TMEM131L: variants seen among roughly 807,000 people sequenced by gnomAD.
The protein encoded by TMEM131L is transmembrane protein 131-like.
Under a neutral mutation model 192.2 loss-of-function variants are expected in TMEM131L, and 54 were observed. That is an observed-to-expected ratio of 0.28 (90% CI 0.23 to 0.35). The LOEUF is 0.35. Ranked by LOEUF, TMEM131L falls within the 10% of genes least tolerant of loss-of-function variation. The probability of loss-of-function intolerance (pLI) is 1.00; values close to 1 mark genes in which losing one functional copy is unlikely to be tolerated. For missense variants in TMEM131L, 1,888 were observed against 1,972.9 expected (o/e 0.96, Z 0.82); for synonymous variants, 701 against 704.9 (o/e 0.99, Z 0.09).
intron 3 of TMEM131L, among the ~76,000 whole-genome samples, chr4:153,547,934 C>T (rs1306953345): frequency 2.6e-5 from 4 of 152,226 alleles, no homozygotes; most frequent in Non-Finnish European, 5.9e-5. Context: ...GTGCACAAGA[C>T]AGGAAGAAGA....
intron 14 of TMEM131L, among the ~76,000 whole-genome samples, chr4:153,587,063 T>C (rs1002689109): frequency 6.6e-6 from 1 of 152,126 alleles, no homozygotes; most frequent in African/African-American, 2.4e-5. Context: ...CTTTCATAGT[T>C]AGAAATGCCT....
chr4:153,506,862 G>C (rs1280797281), intron 3 of TMEM131L, among the ~76,000 whole-genome samples: 1 of 140,718 alleles, frequency 7.1e-6, no homozygotes, highest in Admixed American at 7.3e-5. Context: ...AAAAAAAAAA[G>C]AAGAAAGAAA....
At chr4:153,480,501 C>T (rs1053571100) in intron 3 of TMEM131L, among the ~76,000 whole-genome samples, 1 of 119,518 alleles carries the variant, frequency 8.4e-6, no homozygotes, top group Non-Finnish European at 1.6e-5. Context: ...GCCTGGGTGA[C>T]GGCAAGACTC....
At chr4:153,605,358 T>TTATAGTCAGATTTG (rs1732152026) in intron 25 of TMEM131L, among the ~76,000 whole-genome samples, 1 of 152,214 alleles carries the variant, frequency 6.6e-6, no homozygotes, top group South Asian at 2.1e-4. Context: ...TCTGTACCTG[T>TTATAGTCAGATTTG]TATAGTCAGA....
intron 7 of TMEM131L, among the ~76,000 whole-genome samples, chr4:153,563,386 C>A (rs1012478336): frequency 6.9e-6 from 1 of 145,078 alleles, no homozygotes; most frequent in African/African-American, 2.5e-5. Flanking sequence ...GGTAACTGAT[C>A]TTTTGCTGCT....
At chr4:153,610,895 G>T (rs13135353) in intron 25 of TMEM131L, among the ~76,000 whole-genome samples, 95,896 of 151,936 alleles carry the variant, frequency 0.63, 31,155 homozygotes, top group African/African-American at 0.8. Flanking sequence ...TCATCTAGAC[G>T]TCTCAAATTT....
In TMEM131L at chr4:153,471,715, C is replaced by T. The variant is rs111231606; in HGVS notation, c.196-2130C>T. 4.3e-3 allele frequency among the ~76,000 whole-genome samples: 651 copies of T among 152,266 alleles called. 7 individuals carry two copies. The highest frequency in any genetic ancestry group is 0.014 in the African/African-American group (595 of 41,556). On this transcript the variant is annotated intron_variant, in intron 2 of 34. Transcript: ENST00000409959. Reference sequence around the variant, plus strand: ...GGTGCTGAGTAGGAGCAGCCGTTACCTGATACAGAATCATGTTGGTGCTAG... The same window carrying T: ...GGTGCTGAGTAGGAGCAGCCGTTACTTGATACAGAATCATGTTGGTGCTAG...
Position 153,625,815 on chromosome 4 carries a change from G to A in TMEM131L, c.4046-332G>A, listed in dbSNP as rs575567661. On this transcript the variant is annotated intron_variant, in intron 29 of 34. Coordinates refer to ENST00000409959, the MANE Select transcript of TMEM131L (RefSeq NM_001131007.2). Reference sequence around the variant, plus strand: ...CCCACCTACTTGGGAGGCTGAGGCAGGAGAATTGGTTGAACCCGGGAGGTG... The same window carrying A: ...CCCACCTACTTGGGAGGCTGAGGCAAGAGAATTGGTTGAACCCGGGAGGTG... Among the ~76,000 whole-genome samples, 25 of 152,152 alleles carry A rather than the reference G, an allele frequency of 1.6e-4. 1 individual carries two copies. The South Asian group carries it at 5.2e-3, about 32-fold the overall frequency.
intron 31 of TMEM131L, among the ~76,000 whole-genome samples, chr4:153,631,874 C>A (rs937814844): frequency 4.2e-4 from 64 of 152,212 alleles, no homozygotes; most frequent in African/African-American, 1.4e-3. Flanking sequence ...TTGAACTCCC[C>A]AGGCACACCT....
chr4:153,556,169 A>C (rs1482405905), intron 5 of TMEM131L, among the ~76,000 whole-genome samples: 1 of 152,018 alleles, frequency 6.6e-6, no homozygotes, highest in Non-Finnish European at 1.5e-5. Context: ...CTGTGTAGTA[A>C]TGTATGTATA....
chr4:153,603,633 T>C (rs1336273786), intron 24 of TMEM131L, 169 bp from the exon 25 acceptor site: 3 of 972,418 alleles, frequency 3.1e-6, no homozygotes, highest in Non-Finnish European at 4.5e-6. Context: ...TGCAAGGACT[T>C]AGTTGATGGG....
At chr4:153,604,521 A>G (rs1374213854) in intron 25 of TMEM131L, 91 bp downstream of exon 25, 1 of 1,265,604 alleles carries the variant, frequency 7.9e-7, no homozygotes, top group East Asian at 2.4e-5. Flanking sequence ...GTTAGTTTTA[A>G]TTGTGGATGC....
At chr4:153,551,210 T>C (rs949493059) in intron 4 of TMEM131L, among the ~76,000 whole-genome samples, 5 of 152,214 alleles carry the variant, frequency 3.3e-5, no homozygotes, top group Non-Finnish European at 7.3e-5. Flanking sequence ...AGCAAAGTTT[T>C]GTGAATGAAA....
chr4:153,611,116 C>A (rs1372936433), intron 25 of TMEM131L, among the ~76,000 whole-genome samples: 1 of 152,246 alleles, frequency 6.6e-6, no homozygotes. Flanking sequence ...CCAGCACCCA[C>A]TTTTGCCATC....
intron 29 of TMEM131L, among the ~76,000 whole-genome samples, chr4:153,624,715 C>T (rs1447667101): frequency 4.6e-5 from 7 of 152,188 alleles, no homozygotes; most frequent in East Asian, 3.8e-4. Context: ...TCTTGAACCC[C>T]GGGCTTCTTC....
chr4:153,593,757 A>G, intron 18 of TMEM131L, 42 bp from the exon 19 acceptor site: 1 of 1,249,924 alleles, frequency 8.0e-7, no homozygotes, highest in Non-Finnish European at 1.2e-6. Flanking sequence ...CTTTACTGGC[A>G]GATGTGAGTG....
At position 153,596,993 on chromosome 4, in the gene TMEM131L, A is replaced by C. The variant is rs755532663; in HGVS notation, c.2123+608A>C. 1.2e-4 allele frequency among the ~76,000 whole-genome samples: 18 copies of C among 152,270 alleles called. No homozygotes were observed. The South Asian group carries it at 1.7e-3, about 14-fold the overall frequency. On this transcript the variant is annotated intron_variant, in intron 20 of 34. Coordinates refer to ENST00000409959, the MANE Select transcript of TMEM131L (RefSeq NM_001131007.2). ...TTACAGTAAATACAGATGTATCTTG[A>C]AGCTCTCCTCATCAGTGAGAAGTCC...
intron 7 of TMEM131L, among the ~76,000 whole-genome samples, chr4:153,573,260 C>T (rs373611122): frequency 2.0e-5 from 3 of 152,256 alleles, no homozygotes; most frequent in African/African-American, 7.2e-5. Context: ...TAGCCTAATT[C>T]TCGCCACAGC....
intron 34 of TMEM131L, 93 bp downstream of exon 34, chr4:153,635,664 T>G: frequency 6.9e-7 from 1 of 1,456,912 alleles, no homozygotes; most frequent in Non-Finnish European, 9.4e-7. Context: ...GCTTTAGCGT[T>G]GGGTTTGGAC....
Sources: allele counts gnomAD v4.1 joint callset (sites outside exome capture counted in the v4.1 genomes callset), GRCh38; gene constraint gnomAD v4.1.1; transcripts MANE v1.5; gene names NCBI Gene and HGNC (gene_info 2026-07-23, HGNC 2026-07-21).